SNX30: variants seen among roughly 807,000 people sequenced by gnomAD.
SNX30 encodes the protein sorting nexin family member 30, also known as sorting nexin-30.
In SNX30, 24 loss-of-function variants were observed where a neutral mutation model predicts 46.4. The ratio of observed to expected loss-of-function variants is 0.52; its 90% CI spans 0.37 to 0.73. The LOEUF is 0.73. Ranked by LOEUF, SNX30 falls within the 30% of genes least tolerant of loss-of-function variation. The pLI is 0.00. For missense variants in SNX30, 533 were observed against 555.7 expected, an observed-to-expected ratio of 0.96 and a Z score of 0.41; for synonymous variants, 189 against 211.5, an observed-to-expected ratio of 0.89 and a Z score of 0.92.
chr9:112,756,755 T>C (rs2645991), intron 1 of SNX30, among the ~76,000 whole-genome samples: 142,829 of 152,278 alleles, frequency 0.94, 67,071 homozygotes, highest in East Asian at 1. Context: ...GCCACTGCGC[T>C]CGGCTCCTTC....
chr9:112,849,314 C>T (rs1187647454), intron 6 of SNX30, among the ~76,000 whole-genome samples: 1 of 152,148 alleles, frequency 6.6e-6, no homozygotes, highest in African/African-American at 2.4e-5. Flanking sequence ...AGCCACTAGC[C>T]ATATGTGGCT....
At chr9:112,837,887 CTTTTTTT>C (rs10713538) in intron 5 of SNX30, among the ~76,000 whole-genome samples, 2 of 71,176 alleles carry the variant, frequency 2.8e-5, no homozygotes, top group African/African-American at 6.3e-5. Context: ...TGGTTCTTTT[CTTTTTTT>C]TTTTTTTTTT....
At chr9:112,861,851 A>G (rs895923991) in intron 7 of SNX30, among the ~76,000 whole-genome samples, 11 of 151,990 alleles carry the variant, frequency 7.2e-5, no homozygotes, top group Non-Finnish European at 1.3e-4. Context: ...TGTTTCCTCC[A>G]TGAGGCCCGA....
At chr9:112,865,729 ATAC>A (rs1841328134) in intron 8 of SNX30, among the ~76,000 whole-genome samples, 1 of 146,422 alleles carries the variant, frequency 6.8e-6, no homozygotes, top group African/African-American at 2.6e-5. Flanking sequence ...ACATACATAC[ATAC>A]ACACATGAGT....
chr9:112,879,541 G>A, downstream of SNX30: 1 of 514,778 alleles, frequency 1.9e-6, no homozygotes, highest in Non-Finnish European at 3.5e-6. Flanking sequence ...GCCTAATGGG[G>A]GTGTCTTAAA....
chr9:112,821,579 C>T (rs562351058), intron 3 of SNX30, among the ~76,000 whole-genome samples: 1 of 151,402 alleles, frequency 6.6e-6, no homozygotes, highest in African/African-American at 2.4e-5. Context: ...CTCCGTCTCC[C>T]GGGTTCACGT....
At chr9:112,789,282 T>C (rs1020116255) in intron 1 of SNX30, among the ~76,000 whole-genome samples, 1 of 152,174 alleles carries the variant, frequency 6.6e-6, no homozygotes, top group Non-Finnish European at 1.5e-5. Flanking sequence ...GAACAGGCTC[T>C]CGGAAATGCC....
intron 1 of SNX30, among the ~76,000 whole-genome samples, chr9:112,772,710 T>A (rs1476819948): frequency 6.6e-6 from 1 of 152,226 alleles, no homozygotes; most frequent in East Asian, 1.9e-4. Flanking sequence ...TACATTGCAG[T>A]ATCCCAAGAT....
intron 6 of SNX30, among the ~76,000 whole-genome samples, chr9:112,841,324 A>G (rs1432881564): frequency 6.6e-6 from 1 of 152,252 alleles, no homozygotes; most frequent in African/African-American, 2.4e-5. Flanking sequence ...TCTATAAAAC[A>G]TTACACTGGG....
In SNX30 at chr9:112,869,020, T is replaced by G. The variant is rs1588145158; in HGVS notation, c.*177T>G. The G allele has an allele frequency of 3.1e-6, 2 of 634,954 alleles. 1 individual carries two copies. Among genetic ancestry groups the G allele is most frequent in the Non-Finnish European group, 5.6e-6 (2 of 356,296 alleles). 39.3% of individuals were successfully genotyped at this position (634,954 alleles called of 1,614,324 possible). On this transcript the variant is annotated 3_prime_UTR_variant, in exon 9 of 9. Transcript: ENST00000374232. The stretch of plus-strand genomic sequence containing the variant: ...ACAGTGGTTTTCAATTAGTATTTAT[T>G]CCATGGTGGAGTCTGTGAGGCTAGA...
At chr9:112,849,000 C>T (rs1249538271) in intron 6 of SNX30, among the ~76,000 whole-genome samples, 1 of 152,216 alleles carries the variant, frequency 6.6e-6, no homozygotes, top group Non-Finnish European at 1.5e-5. Context: ...GCCACACTGA[C>T]AGAGTGTGTG....
At chr9:112,859,040 C>T (rs555225900) in intron 7 of SNX30, among the ~76,000 whole-genome samples, 1 of 152,300 alleles carries the variant, frequency 6.6e-6, no homozygotes, top group African/African-American at 2.4e-5. Context: ...ATCTGGAACT[C>T]TTTTCATCTT....
intron 2 of SNX30, among the ~76,000 whole-genome samples, chr9:112,810,523 T>C (rs142596803): frequency 6.6e-6 from 1 of 152,280 alleles, no homozygotes; most frequent in Non-Finnish European, 1.5e-5. Context: ...CAAGGAACTT[T>C]AGGTCCCAAG....
rs112304652 is a variant in SNX30 at position 112,756,275 on chromosome 9, C to T, written c.156+5118C>T. Among the ~76,000 whole-genome samples the T allele has an allele frequency of 5.3e-5, 8 of 152,018 alleles. No individual in the cohort carries two copies. In the East Asian group the frequency reaches 7.7e-4, roughly 15 times the overall value. ...CCAATACTGTTTTCTTTGTCATTTT[C>T]CAACTTCACACCTTCTCACTCTCAT... On this transcript the variant is annotated intron_variant, in intron 1 of 8. Coordinates refer to ENST00000374232, the MANE Select transcript of SNX30 (RefSeq NM_001012994.2).
At chr9:112,835,923 A>G (rs1840744005) in intron 4 of SNX30, among the ~76,000 whole-genome samples, 1 of 152,192 alleles carries the variant, frequency 6.6e-6, no homozygotes, top group African/African-American at 2.4e-5. Flanking sequence ...AAATTATGTT[A>G]GAAACAGCAT....
At chr9:112,814,082 C>G (rs1379495695) in intron 2 of SNX30, among the ~76,000 whole-genome samples, 2 of 152,052 alleles carry the variant, frequency 1.3e-5, no homozygotes, top group African/African-American at 4.8e-5. Context: ...GGCCTTCTTA[C>G]TGAAGACCCC....
intron 4 of SNX30, among the ~76,000 whole-genome samples, chr9:112,834,855 CA>C: frequency 1.2e-5 from 1 of 84,852 alleles, no homozygotes; most frequent in Non-Finnish European, 3.1e-5. Flanking sequence ...CACACACACA[CA>C]CACACACACA....
At chr9:112,763,040 G>C (rs938668888) in intron 1 of SNX30, among the ~76,000 whole-genome samples, 1 of 152,206 alleles carries the variant, frequency 6.6e-6, no homozygotes, top group East Asian at 1.9e-4. Context: ...TCAGTGGCCA[G>C]GGGAAGCGGT....
intron 1 of SNX30, among the ~76,000 whole-genome samples, chr9:112,767,095 TC>T (rs896036893): frequency 1.6e-4 from 24 of 150,974 alleles, no homozygotes; most frequent in Middle Eastern, 3.4e-3. Context: ...TTCTGTTTTC[TC>T]CATGTCTTTG....
Sources: gnomAD v4.1 joint callset for allele counts (sites outside exome capture counted in the v4.1 genomes callset) on GRCh38, gnomAD v4.1.1 for gene constraint, MANE v1.5 for transcripts, NCBI Gene and HGNC (gene_info 2026-07-23, HGNC 2026-07-21) for gene names.